The following SLC30A7 variants were observed in gnomAD, a reference collection of about 807,000 sequenced individuals.
The protein encoded by SLC30A7 is solute carrier family 30 member 7.
SLC30A7 carries 35 observed loss-of-function variants against 46.0 expected under a neutral mutation model. The ratio of observed to expected loss-of-function variants is 0.76; its 90% CI spans 0.58 to 1.01. The LOEUF is 1.01. Among genes scored for constraint, SLC30A7 ranks in the 50% least tolerant of loss-of-function variants. The probability of loss-of-function intolerance (pLI) is 0.00; values close to 1 mark genes in which losing one functional copy is unlikely to be tolerated. For missense variants in SLC30A7, 464 were observed against 451.1 expected, an observed-to-expected ratio of 1.03 and a Z score of -0.26; for synonymous variants, 147 against 157.8, an observed-to-expected ratio of 0.93 and a Z score of 0.51.
chr1:100,974,786 A>T, intron 10 of SLC30A7, 24 bp from the exon 11 acceptor site: 1 of 1,556,108 alleles, frequency 6.4e-7, no homozygotes, highest in Non-Finnish European at 8.8e-7. Context: ...AGATTTTCTA[A>T]CTTTTTTTTT....
At chr1:100,960,544 C>T (rs1655479004) in intron 8 of SLC30A7, among the ~76,000 whole-genome samples, 2 of 152,140 alleles carry the variant, frequency 1.3e-5, no homozygotes, top group African/African-American at 4.8e-5. Flanking sequence ...GTCAAAATAA[C>T]ACCAGTCCTG....
At chr1:100,968,754 C>G (rs543917954) in intron 10 of SLC30A7, among the ~76,000 whole-genome samples, 37 of 152,324 alleles carry the variant, frequency 2.4e-4, no homozygotes, top group Admixed American at 2.1e-3. Context: ...CTATGTCATA[C>G]ATATCACATT....
Position 100,931,988 on chromosome 1 carries a change from A to G in SLC30A7, c.842+10147A>G, listed in dbSNP as rs74895220. On this transcript the variant is annotated intron_variant, in intron 8 of 10. Transcript: ENST00000357650. The stretch of plus-strand genomic sequence containing the variant: ...TTTGTTGTTGCTATATTTGAACTGT[A>G]GTTTTTCTAAGAAATGTTGTATGTT... 2.7e-4 allele frequency among the ~76,000 whole-genome samples: 41 copies of G among 152,284 alleles called. 1 individual carries two copies. The East Asian group carries it at 7.9e-3, about 29-fold the overall frequency.
chr1:100,913,587 G>T (rs1011040470), intron 5 of SLC30A7, 76 bp from the exon 6 acceptor site: 1 of 1,024,342 alleles, frequency 9.8e-7, no homozygotes, highest in South Asian at 1.5e-5. Flanking sequence ...GATTCTTTGC[G>T]CTAGTGTCAG....
chr1:100,965,988 T>C (rs1461526544), intron 10 of SLC30A7, 70 bp downstream of exon 10: 28 of 1,380,814 alleles, frequency 2.0e-5, no homozygotes, highest in Non-Finnish European at 2.6e-5. Context: ...TAAAAATATT[T>C]ACAAGGCCAA....
chr1:100,958,858 C>T (rs1017777816), intron 8 of SLC30A7, among the ~76,000 whole-genome samples: 4 of 152,030 alleles, frequency 2.6e-5, no homozygotes, highest in South Asian at 2.1e-4. Flanking sequence ...GTAATTATCA[C>T]GCAATGTAGT....
intron 7 of SLC30A7, among the ~76,000 whole-genome samples, chr1:100,919,811 A>C (rs1470810140): frequency 6.6e-6 from 1 of 152,118 alleles, no homozygotes; most frequent in African/African-American, 2.4e-5. Flanking sequence ...TGGCATTAAA[A>C]ACTTCTTGTA....
rs1656937131 is a variant in SLC30A7 at position 100,981,639 on chromosome 1, T to A, written c.*6782T>A. 1 of 152,216 alleles carries A rather than the reference T, an allele frequency of 6.6e-6. No individual in the cohort carries two copies. The highest frequency in any genetic ancestry group is 1.5e-5 in the Non-Finnish European group (1 of 68,018). 9.4% of individuals were successfully genotyped at this position (152,216 alleles called of 1,614,324 possible). A position where few individuals can be genotyped will look rare whatever the true frequency, so the allele number is the denominator to read the frequency against. ...AATACAACAAATCTATAATGTATAT[T>A]TCACATTTTCTACTTGAACACATTC... On this transcript the variant is annotated 3_prime_UTR_variant, in exon 11 of 11. Coordinates refer to ENST00000357650, the MANE Select transcript of SLC30A7 (RefSeq NM_133496.5).
rs1262801944 is a variant in SLC30A7, at chr1:100,977,465, T to G, written c.*2608T>G. The G allele has an allele frequency of 1.3e-5, 2 of 152,132 alleles. No individual in the cohort carries two copies. The highest frequency in any genetic ancestry group is 1.3e-4 in the Admixed American group (2 of 15,272). The allele number at this position is 152,132 out of a possible 1,614,324, so 9.4% of individuals were successfully genotyped here. A position where few individuals can be genotyped will look rare whatever the true frequency, so the allele number is the denominator to read the frequency against. ...ACTTTTTGTCACTCTTAGGAAATAT[T>G]TTGTCTTATTAGTGTTCTTGGCACA... is the stretch of plus-strand genomic sequence containing the variant. On this transcript the variant is annotated 3_prime_UTR_variant, in exon 11 of 11. Coordinates refer to ENST00000357650, the MANE Select transcript of SLC30A7 (RefSeq NM_133496.5).
At chr1:100,995,256 C>T in the SLC30A7 span, 1 of 636,736 alleles carries the variant, frequency 1.6e-6, no homozygotes, top group African/African-American at 1.8e-5. Flanking sequence ...AACACTCTTC[C>T]CTCACATTTT....
In SLC30A7 at chr1:100,913,692, G is replaced by A. The variant is rs1652283116; in HGVS notation, c.541G>A (p.Gly181Ser). The change falls in exon 6 of 11, where the codon GGT becomes AGT. Residue 181 changes from glycine (G) to serine (S), a missense_variant. Transcript: ENST00000357650. ...GHGHSHSLFNGALDQAHGHVD... is the reference protein window; with the variant it reads ...GHGHSHSLFNSALDQAHGHVD... ...CGGACACAGTCATTCCCTCTTTAAT[G>A]GTGCTCTAGATCAGGCACATGGCCA... is the stretch of plus-strand genomic sequence containing the variant. 6.2e-7 allele frequency: 1 copy of A among 1,613,680 alleles called. No individual in the cohort carries two copies. Among genetic ancestry groups the A allele is most frequent in the South Asian group, 1.1e-5 (1 of 91,066 alleles).
At chr1:100,942,308 C>G (rs1654396763) in intron 8 of SLC30A7, among the ~76,000 whole-genome samples, 1 of 152,166 alleles carries the variant, frequency 6.6e-6, no homozygotes, top group Non-Finnish European at 1.5e-5. Context: ...AGCAATCACA[C>G]TTTTGGGAAT....
rs1656592963 is a variant in SLC30A7, at chr1:100,977,395, A to G, written c.*2538A>G. On this transcript the variant is annotated 3_prime_UTR_variant, in exon 11 of 11. Transcript: ENST00000357650. ...AACATTTATGCTTTAATTAAATGCC[A>G]GTATACCTATGTGTGCAGCAGTAAA... 6.6e-6 allele frequency: 1 copy of G among 152,234 alleles called. No individual in the cohort carries two copies. 9.4% of individuals were successfully genotyped at this position (152,234 alleles called of 1,614,324 possible). A position where few individuals can be genotyped will look rare whatever the true frequency, so the allele number is the denominator to read the frequency against.
chr1:100,968,730 A>C (rs1655996405), intron 10 of SLC30A7, among the ~76,000 whole-genome samples: 1 of 152,236 alleles, frequency 6.6e-6, no homozygotes, highest in Admixed American at 6.5e-5. Flanking sequence ...CCCACAAAGC[A>C]GAATTACTTT....
chr1:100,937,654 T>A (rs1654054588), intron 8 of SLC30A7, among the ~76,000 whole-genome samples: 1 of 152,238 alleles, frequency 6.6e-6, no homozygotes, highest in Admixed American at 6.5e-5. Context: ...TGTCCATTTT[T>A]AAATTGTTTG....
In SLC30A7 at chr1:100,981,434, G is replaced by A. The variant is rs1656927060; in HGVS notation, c.*6577G>A. 1 of 152,110 alleles carries A rather than the reference G, an allele frequency of 6.6e-6. No individual in the cohort carries two copies. Among genetic ancestry groups the A allele is most frequent in the South Asian group, 2.1e-4 (1 of 4,824 alleles). 9.4% of individuals were successfully genotyped at this position (152,110 alleles called of 1,614,324 possible). A position where few individuals can be genotyped will look rare whatever the true frequency, so the allele number is the denominator to read the frequency against. ...AACACTTTACCTCCCTGCCTTTAGT[G>A]GTATTTAAACATATGGCCAAGTTAG... is the stretch of plus-strand genomic sequence containing the variant. On this transcript the variant is annotated 3_prime_UTR_variant, in exon 11 of 11. Transcript: ENST00000357650.
At chr1:100,939,987 AAAAC>A (rs1325016503) in intron 8 of SLC30A7, among the ~76,000 whole-genome samples, 2 of 152,216 alleles carry the variant, frequency 1.3e-5, no homozygotes, top group East Asian at 1.9e-4. Context: ...TTATAAGGAA[AAAAC>A]AAACAGGAGG....
At chr1:100,908,788 G>C (rs1180583752) in intron 3 of SLC30A7, among the ~76,000 whole-genome samples, 1 of 151,938 alleles carries the variant, frequency 6.6e-6, no homozygotes, top group Non-Finnish European at 1.5e-5. Flanking sequence ...TTATATATCA[G>C]AAATCTAATT....
At chr1:100,954,222 T>C (rs770246418) in intron 8 of SLC30A7, among the ~76,000 whole-genome samples, 7 of 152,212 alleles carry the variant, frequency 4.6e-5, no homozygotes, top group Admixed American at 1.3e-4. Context: ...GATGAGATAC[T>C]GCAGTGTGTG....
Sources: gnomAD v4.1 joint callset for allele counts (sites outside exome capture counted in the v4.1 genomes callset) on GRCh38, gnomAD v4.1.1 for gene constraint, MANE v1.5 for transcripts, NCBI Gene and HGNC (gene_info 2026-07-23, HGNC 2026-07-21) for gene names.